The following TGFBRAP1 variants were observed in gnomAD, a reference collection of about 807,000 sequenced individuals.
TGFBRAP1 encodes transforming growth factor-beta receptor-associated protein 1.
Under a neutral mutation model 83.2 loss-of-function variants are expected in TGFBRAP1, and 20 were observed. The ratio of observed to expected loss-of-function variants is 0.24; its 90% CI spans 0.17 to 0.35. TGFBRAP1 has a LOEUF of 0.35. TGFBRAP1 is among the 10% of genes least tolerant of loss of function. The probability of loss-of-function intolerance (pLI) is 1.00; values close to 1 mark genes in which losing one functional copy is unlikely to be tolerated. For synonymous variants in TGFBRAP1, 415 were observed against 459.8 expected, an observed-to-expected ratio of 0.90 and a Z score of 1.25; for missense variants, 950 against 1,099.4, an observed-to-expected ratio of 0.86 and a Z score of 1.92.
rs746436231 is a variant in TGFBRAP1, at chr2:105,267,500, T to G, written c.2466A>C (p.Gln822His). The change falls in exon 12 of 12, where the codon CAA (glutamine) becomes CAC (histidine). Residue 822 changes from glutamine to histidine, a missense_variant. Gln to His is a conservative substitution (Grantham distance 24, BLOSUM62 0). Coordinates refer to ENST00000393359, the MANE Select transcript of TGFBRAP1 (RefSeq NM_004257.6). The stretch of plus-strand genomic sequence containing the variant: ...CAAACACAGGCTCACAAAAGGGATT[T>G]TGGCATATCTGACAAAGCTTTTTGT... ...LSDKKLCQIC[Q>H]NPFCEPVFVR... is the part of the protein sequence containing the mutation. 1.2e-6 allele frequency: 2 copies of G among 1,614,220 alleles called. No individual in the cohort carries two copies. Among genetic ancestry groups the G allele is most frequent in the South Asian group, 2.2e-5 (2 of 91,086 alleles).
At chr2:105,317,765 G>C (rs1678930197) in intron 1 of TGFBRAP1, among the ~76,000 whole-genome samples, 2 of 152,148 alleles carry the variant, frequency 1.3e-5, no homozygotes, top group African/African-American at 4.8e-5. Context: ...GAAACATCTG[G>C]ATGATGTGGG....
chr2:105,304,044 A>G (rs1678400841), intron 2 of TGFBRAP1, among the ~76,000 whole-genome samples: 1 of 152,228 alleles, frequency 6.6e-6, no homozygotes, highest in African/African-American at 2.4e-5. Context: ...AAACATACAA[A>G]TACTTAAACA....
chr2:105,278,532 C>A (rs1325848952), intron 6 of TGFBRAP1, among the ~76,000 whole-genome samples: 2 of 152,076 alleles, frequency 1.3e-5, no homozygotes, highest in Non-Finnish European at 2.9e-5. Flanking sequence ...TTATTTATAA[C>A]CCGCGTGACC....
In TGFBRAP1 at chr2:105,298,567, T is replaced by G; in HGVS notation, c.827A>C (p.Gln276Pro). The change falls in exon 3 of 12, where the codon CAG becomes CCG. Residue 276 changes from glutamine (Q) to proline (P), a missense_variant. Coordinates refer to ENST00000393359, the MANE Select transcript of TGFBRAP1 (RefSeq NM_004257.6). ...EFITVHSMLD[Q>P]QQKQTLPFKE... ...AAAGGGCAGCGTCTGCTTCTGTTGC[T>G]GATCCAACATGCTGTGGACTGTGAT... The G allele has an allele frequency of 6.2e-7, 1 of 1,613,860 alleles. No homozygotes were observed. The highest frequency in any genetic ancestry group is 8.5e-7 in the Non-Finnish European group (1 of 1,179,784).
At chr2:105,280,256 C>T (rs1677489322) in intron 6 of TGFBRAP1, 126 bp downstream of exon 6, 2 of 1,004,874 alleles carry the variant, frequency 2.0e-6, no homozygotes, top group Non-Finnish European at 2.9e-6. Context: ...GTGGCAGTCA[C>T]CTATAGGTAC....
At chr2:105,313,200 T>G (rs1481632921) in intron 1 of TGFBRAP1, among the ~76,000 whole-genome samples, 1 of 152,246 alleles carries the variant, frequency 6.6e-6, no homozygotes, top group African/African-American at 2.4e-5. Context: ...GACAATTCTG[T>G]TCTTTCCGGC....
chr2:105,323,819 C>T (rs952148790), intron 1 of TGFBRAP1, among the ~76,000 whole-genome samples: 12 of 152,256 alleles, frequency 7.9e-5, no homozygotes, highest in Non-Finnish European at 1.3e-4. Flanking sequence ...GGTAGGTTTA[C>T]GGGTTGACTT....
At chr2:105,279,949 A>T (rs1451541058) in intron 6 of TGFBRAP1, among the ~76,000 whole-genome samples, 1 of 152,012 alleles carries the variant, frequency 6.6e-6, no homozygotes, top group East Asian at 1.9e-4. Context: ...GAGGCAGGAG[A>T]ATTGCTTGAA....
Position 105,328,267 on chromosome 2 carries a change from T to A in TGFBRAP1, c.-18+1358A>T, listed in dbSNP as rs1453250289. Among the ~76,000 whole-genome samples, 3 of 152,132 alleles carry A rather than the reference T, an allele frequency of 2.0e-5. No individual in the cohort carries two copies. In the East Asian group the frequency reaches 5.8e-4, roughly 29 times the overall value. On this transcript the variant is annotated intron_variant, in intron 1 of 11. Transcript: ENST00000393359. The stretch of plus-strand genomic sequence containing the variant: ...TTACCACCACAGAGCATCACTCCCA[T>A]TTCATAGATGACCTGGGGCAGGCTA...
At chr2:105,277,403 T>C (rs1479781864) in intron 7 of TGFBRAP1, among the ~76,000 whole-genome samples, 1 of 152,222 alleles carries the variant, frequency 6.6e-6, no homozygotes, top group Non-Finnish European at 1.5e-5. Flanking sequence ...TAATGTTCTT[T>C]AAGGAGATGG....
intron 2 of TGFBRAP1, among the ~76,000 whole-genome samples, chr2:105,304,033 T>C (rs1033350980): frequency 2.9e-4 from 43 of 149,222 alleles, no homozygotes; most frequent in African/African-American, 1.1e-3. Context: ...AAACTAAAAA[T>C]AAACATACAA....
chr2:105,269,441 G>A lies in TGFBRAP1; in HGVS notation c.2237C>T (p.Thr746Ile). 1 of 1,613,866 alleles carries A rather than the reference G, an allele frequency of 6.2e-7. No individual in the cohort carries two copies. Among genetic ancestry groups the A allele is most frequent in the Non-Finnish European group, 8.5e-7 (1 of 1,179,966 alleles). ...CAGCACCTGGGCTGCATCAAATTCG[G>A]TGGCGTGGCGGTTCAGCAGGTCCAC... ...AAVDLLNRHA[T>I]EFDAAQVLQM... The change falls in exon 11 of 12, where the codon ACC (threonine) becomes ATC (isoleucine). Residue 746 changes from threonine to isoleucine, a missense_variant. By Grantham distance (89) the Thr-to-Ile change is moderately conservative. Coordinates refer to ENST00000393359, the MANE Select transcript of TGFBRAP1 (RefSeq NM_004257.6). This position sits in a 1 kb window ranked among gnomAD's most constrained non-coding sequence, Gnocchi z 4.1.
At chr2:105,286,916 T>C (rs1207759149) in intron 4 of TGFBRAP1, among the ~76,000 whole-genome samples, 6 of 152,200 alleles carry the variant, frequency 3.9e-5, no homozygotes, top group African/African-American at 1.4e-4. Flanking sequence ...AGAGAACAGT[T>C]CTTCTAAGCA....
Position 105,269,791 on chromosome 2 carries a change from A to G in TGFBRAP1, c.1973-86T>C. 1 of 1,388,864 alleles carries G rather than the reference A, an allele frequency of 7.2e-7. No homozygotes were observed. Among genetic ancestry groups the G allele is most frequent in the South Asian group, 1.6e-5 (1 of 62,362 alleles). The allele number at this position is 1,388,864 out of a possible 1,614,324, so 86.0% of individuals were successfully genotyped here. ...TGGCCTCCTTGCTGCTCTGGGCTTC[A>G]GGAGGGGAAAAGTCAACCTGGCTCC... is the stretch of plus-strand genomic sequence containing the variant. On this transcript the variant is annotated intron_variant, in intron 10 of 11. Coordinates refer to ENST00000393359, the MANE Select transcript of TGFBRAP1 (RefSeq NM_004257.6). This position sits in a 1 kb window ranked among gnomAD's most constrained non-coding sequence, Gnocchi z 4.1.
intron 8 of TGFBRAP1, 128 bp downstream of exon 8, chr2:105,275,432 A>G: frequency 1.4e-6 from 2 of 1,429,996 alleles, no homozygotes; most frequent in Non-Finnish European, 1.8e-6. Context: ...GGGAATAATA[A>G]CAACAACAAA....
intron 2 of TGFBRAP1, among the ~76,000 whole-genome samples, chr2:105,300,946 G>C (rs1221654668): frequency 1.3e-5 from 2 of 152,156 alleles, no homozygotes; most frequent in African/African-American, 4.8e-5. Context: ...AATTGAGGTT[G>C]GCCGCAGTGG....
At chr2:105,255,529 C>T in the TGFBRAP1 span, among the ~76,000 whole-genome samples, 2 of 151,738 alleles carry the variant, frequency 1.3e-5, no homozygotes, top group Non-Finnish European at 2.9e-5. Flanking sequence ...CTATGTTGTC[C>T]AGGCTGGTTT....
At chr2:105,295,721 G>A (rs1159994720) in intron 4 of TGFBRAP1, among the ~76,000 whole-genome samples, 1 of 147,072 alleles carries the variant, frequency 6.8e-6, no homozygotes, top group Non-Finnish European at 1.5e-5. Flanking sequence ...TGAGGCAGGA[G>A]AATCGCTTGA....
chr2:105,311,204 C>A (rs1401755411), intron 1 of TGFBRAP1, among the ~76,000 whole-genome samples: 1 of 150,526 alleles, frequency 6.6e-6, no homozygotes, highest in African/African-American at 2.4e-5. Context: ...AGTCATAACT[C>A]TATAATATTT....
Sources: allele counts gnomAD v4.1 joint callset (sites outside exome capture counted in the v4.1 genomes callset), GRCh38; gene constraint gnomAD v4.1.1; non-coding constraint Gnocchi (gnomAD v3.1); transcripts MANE v1.5; gene names NCBI Gene and HGNC (gene_info 2026-07-23, HGNC 2026-07-21).